The following SDK2 variants were observed in gnomAD, a reference collection of about 807,000 sequenced individuals.
The protein encoded by SDK2 is sidekick cell adhesion molecule 2, also known as protein sidekick-2.
In SDK2, 105 loss-of-function variants were observed where a neutral mutation model predicts 253.9. The ratio of observed to expected loss-of-function variants is 0.41; its 90% CI spans 0.35 to 0.49. SDK2 has a LOEUF of 0.49. Among genes scored for constraint, SDK2 ranks in the 20% least tolerant of loss-of-function variants. The pLI is 0.06. For missense variants in SDK2, 2,608 were observed against 3,003.0 expected (o/e 0.87, Z 3.07); for synonymous variants, 1,249 against 1,234.9 (o/e 1.01, Z -0.24).
chr17:73,577,592 A>C (rs955567180), intron 1 of SDK2, among the ~76,000 whole-genome samples: 1 of 152,100 alleles, frequency 6.6e-6, no homozygotes, highest in Admixed American at 6.5e-5. Context: ...CATTTTTACC[A>C]GTGCTGGAGT....
At chr17:73,524,257 C>A (rs989159518) in intron 1 of SDK2, among the ~76,000 whole-genome samples, 1 of 152,202 alleles carries the variant, frequency 6.6e-6, no homozygotes, top group Admixed American at 6.5e-5. Context: ...GCAGGAGGCA[C>A]AGTGTGATTG....
rs900814790 is a variant in SDK2 at position 73,336,510 on chromosome 17, T to C, written c.*2077A>G. The C allele has an allele frequency of 6.6e-6, 1 of 152,620 alleles. No individual in the cohort carries two copies. The highest frequency in any genetic ancestry group is 2.4e-5 in the African/African-American group (1 of 41,450). The allele number at this position is 152,620 out of a possible 1,614,324, so 9.5% of individuals were successfully genotyped here. On this transcript the variant is annotated 3_prime_UTR_variant, in exon 45 of 45. Coordinates refer to ENST00000392650, the MANE Select transcript of SDK2 (RefSeq NM_001144952.2). ...GGGCTGGCCTGTCTGCTGAGCCATCTTCCAGCATCTCCCCGTTCACATTTC... is the reference window on the plus strand; with the variant it reads ...GGGCTGGCCTGTCTGCTGAGCCATCCTCCAGCATCTCCCCGTTCACATTTC...
chr17:73,393,862 C>T, intron 26 of SDK2, 113 bp from the exon 27 acceptor site: 3 of 838,470 alleles, frequency 3.6e-6, no homozygotes, highest in Non-Finnish European at 5.3e-6. Flanking sequence ...CTCCCAACTT[C>T]CAGACCAGGG....
Position 73,511,593 on chromosome 17 carries a change from C to T in SDK2, c.65-3996G>A, listed in dbSNP as rs2063981076. On this transcript the variant is annotated intron_variant, in intron 1 of 44. Coordinates refer to ENST00000392650, the MANE Select transcript of SDK2 (RefSeq NM_001144952.2). This position sits in a 1 kb window ranked among gnomAD's most constrained non-coding sequence, Gnocchi z 4.9. ...CCTGAGAGCCTGCTGGGTACCAGGC[C>T]CTGGGCTGGGGGCTCCACATCCCTC... is the stretch of plus-strand genomic sequence containing the variant. 6.6e-6 allele frequency among the ~76,000 whole-genome samples: 1 copy of T among 152,104 alleles called. No homozygotes were observed. Among genetic ancestry groups the T allele is most frequent in the African/African-American group, 2.4e-5 (1 of 41,420 alleles).
chr17:73,425,789 G>T (rs1052680482), intron 12 of SDK2, among the ~76,000 whole-genome samples: 2 of 152,038 alleles, frequency 1.3e-5, no homozygotes, highest in Admixed American at 6.6e-5. Flanking sequence ...TTACAGGTGT[G>T]AGCCACCACG....
intron 40 of SDK2, chr17:73,357,501 C>G (rs1369599654): frequency 1.0e-5 from 2 of 193,672 alleles, no homozygotes; most frequent in African/African-American, 4.8e-5. Context: ...GCAGTGGCTG[C>G]AAGCTCCTGA....
intron 18 of SDK2, among the ~76,000 whole-genome samples, chr17:73,413,256 T>C (rs1321250495): frequency 6.6e-6 from 1 of 151,624 alleles, no homozygotes; most frequent in East Asian, 1.9e-4. Context: ...GCGTACTCCT[T>C]ATGAGAATCT....
intron 28 of SDK2, 65 bp downstream of exon 28, chr17:73,391,375 C>G: frequency 1.0e-6 from 1 of 965,056 alleles, no homozygotes; most frequent in Non-Finnish European, 1.4e-6. Flanking sequence ...ACGAAGTGGC[C>G]TCCTTTGCAG....
chr17:73,401,797 C>CAG, intron 19 of SDK2, 45 bp from the exon 20 acceptor site: 1 of 1,511,720 alleles, frequency 6.6e-7, no homozygotes, highest in Non-Finnish European at 9.0e-7. Flanking sequence ...CAGTTAGAGC[C>CAG]AGAGAGAGAC....
rs1235594469 is a variant in SDK2 at position 73,431,125 on chromosome 17, T to C, written c.1480+377A>G. Reference sequence around the variant, plus strand: ...ATACCGTCTGTGGCTGCTTTCTAGATAAAACGGAAGCTAGTTGAGTCGTTG... The same window carrying C: ...ATACCGTCTGTGGCTGCTTTCTAGACAAAACGGAAGCTAGTTGAGTCGTTG... On this transcript the variant is annotated intron_variant, in intron 11 of 44. Transcript: ENST00000392650. This position sits in a 1 kb window ranked among gnomAD's most constrained non-coding sequence, Gnocchi z 5.6. Among the ~76,000 whole-genome samples the C allele has an allele frequency of 6.6e-6, 1 of 152,206 alleles. No individual in the cohort carries two copies. The highest frequency in any genetic ancestry group is 1.5e-5 in the Non-Finnish European group (1 of 68,028).
intron 2 of SDK2, among the ~76,000 whole-genome samples, chr17:73,484,632 GC>G (rs2063758952): frequency 6.6e-6 from 1 of 152,226 alleles, no homozygotes; most frequent in Admixed American, 6.5e-5. Context: ...TTCTTCCACA[GC>G]CCTGGCTGCC....
chr17:73,478,063 C>T (rs1450509569), intron 2 of SDK2, among the ~76,000 whole-genome samples: 1 of 152,124 alleles, frequency 6.6e-6, no homozygotes, highest in Non-Finnish European at 1.5e-5. Context: ...CACCCTTGTC[C>T]CCCAGCTGCC....
intron 2 of SDK2, among the ~76,000 whole-genome samples, chr17:73,503,259 C>T (rs1476743920): frequency 2.6e-5 from 4 of 152,206 alleles, no homozygotes; most frequent in African/African-American, 9.7e-5. Context: ...GTACGTCCAT[C>T]CGAACAAATG....
At chr17:73,470,204 A>G (rs1200275344) in intron 3 of SDK2, among the ~76,000 whole-genome samples, 1 of 152,114 alleles carries the variant, frequency 6.6e-6, no homozygotes, top group Non-Finnish European at 1.5e-5. Flanking sequence ...ACTCATGCTT[A>G]CAATACACAT....
chr17:73,508,960 T>C (rs899123970), intron 1 of SDK2, among the ~76,000 whole-genome samples: 1 of 152,216 alleles, frequency 6.6e-6, no homozygotes, highest in Non-Finnish European at 1.5e-5. Context: ...TGCCACGGGC[T>C]TGAGGCAGCA....
rs1423808059 is a variant in SDK2 at position 73,507,566 on chromosome 17, A to C, written c.96T>G (p.Pro32=). 1 of 1,551,706 alleles carries C rather than the reference A, an allele frequency of 6.4e-7. No homozygotes were observed. Among genetic ancestry groups the C allele is most frequent in the Non-Finnish European group, 8.7e-7 (1 of 1,146,972 alleles). Residue 32 remains proline (P), a synonymous_variant, in exon 2 of 45, where the codon CCT becomes CCG. Transcript: ENST00000392650. ...DDVSPYFKTE[P]VRTQVHLEGN... ...CTTCCAAGTGCACCTGTGTCCGCAC[A>C]GGCTCTGTCTTGAAATACGGGGACA...
chr17:73,476,064 A>T (rs970092280), intron 2 of SDK2, among the ~76,000 whole-genome samples: 5 of 152,202 alleles, frequency 3.3e-5, no homozygotes, highest in African/African-American at 9.6e-5. Context: ...GTGAGCTGAG[A>T]TTGCACCACT....
At position 73,630,218 on chromosome 17, in the gene SDK2, C is replaced by T. The variant is rs1000268643; in HGVS notation, c.64+13807G>A. Among the ~76,000 whole-genome samples the T allele has an allele frequency of 8.5e-5, 13 of 152,128 alleles. No homozygotes were observed. The East Asian group carries it at 2.5e-3, about 29-fold the overall frequency. Reference sequence around the variant, plus strand: ...GGGCTCCCTGGACCAGCAGCAGTGGCAGCGACACCTGGGAACTGTCAGAAA... The same window carrying T: ...GGGCTCCCTGGACCAGCAGCAGTGGTAGCGACACCTGGGAACTGTCAGAAA... On this transcript the variant is annotated intron_variant, in intron 1 of 44. Transcript: ENST00000392650.
At chr17:73,528,567 C>T (rs1275827099) in intron 1 of SDK2, among the ~76,000 whole-genome samples, 1 of 152,162 alleles carries the variant, frequency 6.6e-6, no homozygotes, top group African/African-American at 2.4e-5. Flanking sequence ...GCTCTCATCC[C>T]AAGGCGACCT....
Sources: allele counts gnomAD v4.1 joint callset (sites outside exome capture counted in the v4.1 genomes callset), GRCh38; gene constraint gnomAD v4.1.1; non-coding constraint Gnocchi (gnomAD v3.1); transcripts MANE v1.5; gene names NCBI Gene and HGNC (gene_info 2026-07-23, HGNC 2026-07-21).